STK3: variants seen among roughly 807,000 people sequenced by gnomAD.
The protein encoded by STK3 is serine/threonine kinase 3, also known as serine/threonine-protein kinase 3.
Under a neutral mutation model 58.0 loss-of-function variants are expected in STK3, and 41 were observed. The observed-to-expected ratio is 0.71, with a 90% CI of 0.55 to 0.92. The LOEUF (loss-of-function observed/expected upper bound fraction) is 0.92. STK3 is among the 40% of genes least tolerant of loss of function. The pLI, the probability that STK3 is intolerant of heterozygous loss-of-function variation, is 0.00. For synonymous variants in STK3, 170 were observed against 191.0 expected, an observed-to-expected ratio of 0.89 and a Z score of 0.91; for missense variants, 479 against 602.7, an observed-to-expected ratio of 0.79 and a Z score of 2.15.
chr8:98,352,939 G>T, the STK3 span, among the ~76,000 whole-genome samples: 4 of 152,138 alleles, frequency 2.6e-5, no homozygotes, highest in Non-Finnish European at 5.9e-5. Context: ...CTGTGTCAAT[G>T]ATATACTTTT....
chr8:98,418,804 T>C (rs761300967), intron 3 of STK3, among the ~76,000 whole-genome samples: 2 of 152,128 alleles, frequency 1.3e-5, no homozygotes, highest in Non-Finnish European at 2.9e-5. Context: ...ATCTAGACTC[T>C]TACATGTTAT....
At position 98,925,180 on chromosome 8, in the gene STK3, C is replaced by G. The variant is rs111526934; in HGVS notation, c.-79+17198G>C. 1.7e-3 allele frequency among the ~76,000 whole-genome samples: 265 copies of G among 152,334 alleles called. 1 individual carries two copies. The highest frequency in any genetic ancestry group is 6.0e-3 in the African/African-American group (250 of 41,572). On this transcript the variant is annotated intron_variant, in intron 1 of 1. Transcript: ENST00000519420. Reference sequence around the variant, plus strand: ...TCATCAGACTCAATGCTACTTCTCTCTATGTGCAGGGCTGCCATTGGTCTC... The same window carrying G: ...TCATCAGACTCAATGCTACTTCTCTGTATGTGCAGGGCTGCCATTGGTCTC...
intron 9 of STK3, 137 bp from the exon 10 acceptor site, chr8:98,527,054 T>C (rs991727362): frequency 5.3e-6 from 3 of 568,832 alleles, no homozygotes; most frequent in Non-Finnish European, 8.1e-6. Context: ...ATTAATTTCA[T>C]AAAGAACAAA....
intron 3 of STK3, among the ~76,000 whole-genome samples, chr8:98,865,872 C>A (rs985709456): frequency 6.6e-6 from 1 of 152,226 alleles, no homozygotes; most frequent in East Asian, 1.9e-4. Flanking sequence ...ACTAGGTTTT[C>A]TGCAAGGCCT....
chr8:98,755,342 A>G (rs1303660988), intron 3 of STK3, among the ~76,000 whole-genome samples: 1 of 152,230 alleles, frequency 6.6e-6, no homozygotes, highest in African/African-American at 2.4e-5. Context: ...AAGGAAGTAA[A>G]CTCACAAATA....
intron 6 of STK3, among the ~76,000 whole-genome samples, chr8:98,653,943 A>T (rs1293929112): frequency 3.3e-5 from 5 of 152,224 alleles, no homozygotes; most frequent in Non-Finnish European, 5.9e-5. Context: ...AAACTATTCC[A>T]ATCAATAGAA....
At chr8:98,865,835 T>C (rs755013883) in intron 3 of STK3, among the ~76,000 whole-genome samples, 2 of 152,262 alleles carry the variant, frequency 1.3e-5, no homozygotes, top group African/African-American at 2.4e-5. Flanking sequence ...GTTAGTGCCC[T>C]GCAGTGGTCA....
intron 10 of STK3, among the ~76,000 whole-genome samples, chr8:98,498,213 T>C (rs1397783740): frequency 1.3e-5 from 2 of 152,078 alleles, no homozygotes; most frequent in Non-Finnish European, 2.9e-5. Flanking sequence ...AGATCTGGGC[T>C]GAGGCAGGGG....
chr8:98,406,913 C>T (rs2131034250), intron 3 of STK3, among the ~76,000 whole-genome samples: 1 of 152,250 alleles, frequency 6.6e-6, no homozygotes, highest in African/African-American at 2.4e-5. Flanking sequence ...TATGAGGTGA[C>T]AGTGTGAGGA....
intron 1 of STK3, among the ~76,000 whole-genome samples, chr8:98,905,985 A>G (rs921340868): frequency 5.3e-5 from 8 of 152,172 alleles, no homozygotes; most frequent in Non-Finnish European, 1.2e-4. Context: ...AGTTGGCTAC[A>G]TGTGATTGGT....
downstream of STK3, among the ~76,000 whole-genome samples, chr8:98,369,333 T>G (rs1217471096): frequency 6.6e-6 from 1 of 152,204 alleles, no homozygotes; most frequent in East Asian, 1.9e-4. Flanking sequence ...AACTAAGTTC[T>G]TTTACTATTA....
intron 4 of STK3, among the ~76,000 whole-genome samples, chr8:98,718,976 C>T (rs1347627461): frequency 1.3e-5 from 2 of 151,952 alleles, no homozygotes; most frequent in African/African-American, 4.8e-5. Context: ...CTATGCCTGG[C>T]GTACAGATAG....
At chr8:98,541,195 T>G (rs138341095) in intron 9 of STK3, among the ~76,000 whole-genome samples, 4 of 152,198 alleles carry the variant, frequency 2.6e-5, no homozygotes, top group African/African-American at 9.7e-5. Flanking sequence ...CTTGGCTCTA[T>G]GCCCCCACCT....
At chr8:98,672,112 C>T (rs186408277) in intron 6 of STK3, among the ~76,000 whole-genome samples, 5 of 152,214 alleles carry the variant, frequency 3.3e-5, no homozygotes. Flanking sequence ...CTTCATAGCA[C>T]CATGAGAATG....
intron 10 of STK3, among the ~76,000 whole-genome samples, chr8:98,506,978 C>A (rs1824139936): frequency 6.6e-6 from 1 of 152,130 alleles, no homozygotes; most frequent in African/African-American, 2.4e-5. Flanking sequence ...TGTTTTAAGC[C>A]ACTCAATTTG....
chr8:98,591,178 C>T (rs998304569), intron 7 of STK3, among the ~76,000 whole-genome samples: 1 of 152,210 alleles, frequency 6.6e-6, no homozygotes, highest in African/African-American at 2.4e-5. Flanking sequence ...ATACTCTCTT[C>T]TGATGCTGAG....
chr8:98,738,894 T>C (rs559572875), intron 4 of STK3, among the ~76,000 whole-genome samples: 4 of 152,246 alleles, frequency 2.6e-5, no homozygotes, highest in Admixed American at 6.5e-5. Flanking sequence ...ACCCGAATAC[T>C]GCGCTTTTCC....
chr8:98,563,034 C>T (rs1376870339), intron 8 of STK3, among the ~76,000 whole-genome samples: 17 of 145,374 alleles, frequency 1.2e-4, no homozygotes, highest in Admixed American at 3.5e-4. Flanking sequence ...AAAAAAGTAA[C>T]TGTATTAAAA....
chr8:98,697,087 A>G (rs980352104), intron 6 of STK3, among the ~76,000 whole-genome samples: 1 of 152,078 alleles, frequency 6.6e-6, no homozygotes, highest in Admixed American at 6.5e-5. Context: ...TAATCTTGGG[A>G]GGGTGTATGT....
Sources: allele counts gnomAD v4.1 joint callset (sites outside exome capture counted in the v4.1 genomes callset), GRCh38; gene constraint gnomAD v4.1.1; transcripts MANE v1.5; gene names NCBI Gene and HGNC (gene_info 2026-07-23, HGNC 2026-07-21).